ATP10A: variants seen among roughly 807,000 people sequenced by gnomAD.
The protein encoded by ATP10A is phospholipid-transporting ATPase VA.
ATP10A carries 111 observed loss-of-function variants against 147.8 expected under a neutral mutation model. That is an observed-to-expected ratio of 0.75 (90% confidence interval 0.64 to 0.88). ATP10A has a LOEUF of 0.88. Among genes scored for constraint, ATP10A ranks in the 40% least tolerant of loss-of-function variants. The pLI, the probability that ATP10A is intolerant of heterozygous loss-of-function variation, is 0.00. For synonymous variants in ATP10A, 875 were observed against 841.6 expected, an observed-to-expected ratio of 1.04 and a Z score of -0.69; for missense variants, 1,927 against 1,959.0, an observed-to-expected ratio of 0.98 and a Z score of 0.31.
chr15:25,762,344 A>T (rs912091115), intron 2 of ATP10A, among the ~76,000 whole-genome samples: 1 of 152,150 alleles, frequency 6.6e-6, no homozygotes, highest in Non-Finnish European at 1.5e-5. Context: ...TGGCACAATC[A>T]TGGCTCACTG....
chr15:25,855,217 T>C (rs1893462058), intron 1 of ATP10A, among the ~76,000 whole-genome samples: 1 of 152,076 alleles, frequency 6.6e-6, no homozygotes. Context: ...TGAATTCAAA[T>C]GCAAAATTCT....
chr15:25,800,596 G>A (rs752932054), intron 1 of ATP10A, among the ~76,000 whole-genome samples: 35 of 152,300 alleles, frequency 2.3e-4, no homozygotes, highest in Non-Finnish European at 3.8e-4. Context: ...CCCGGAAGAA[G>A]CTACATTCTG....
At chr15:25,768,543 T>C (rs1250889641) in intron 2 of ATP10A, among the ~76,000 whole-genome samples, 194 of 131,918 alleles carry the variant, frequency 1.5e-3, no homozygotes, top group South Asian at 4.2e-3. Context: ...TCTCTCTCTT[T>C]TTTTTTTTTT....
intron 1 of ATP10A, among the ~76,000 whole-genome samples, chr15:25,827,843 G>C (rs2140861233): frequency 6.6e-6 from 1 of 152,198 alleles, no homozygotes; most frequent in South Asian, 2.1e-4. Context: ...CCAATTAAGA[G>C]GCAGAACTGA....
At chr15:25,698,892 ATGTATATGATG>A (rs1207207182) in intron 13 of ATP10A, among the ~76,000 whole-genome samples, 1 of 152,208 alleles carries the variant, frequency 6.6e-6, no homozygotes, top group Non-Finnish European at 1.5e-5. Context: ...CTAACAAAAC[ATGTATATGATG>A]TGTATGCTGA....
At chr15:25,791,575 C>A (rs1300862825) in intron 1 of ATP10A, among the ~76,000 whole-genome samples, 2 of 151,876 alleles carry the variant, frequency 1.3e-5, no homozygotes, top group East Asian at 2.0e-4. Flanking sequence ...GTTGTAGAGA[C>A]GGAGTCTTGC....
In ATP10A at chr15:25,862,634, C is replaced by A; in HGVS notation, c.449+14G>T. On this transcript the variant is annotated intron_variant, in intron 1 of 20. Coordinates refer to ENST00000555815, the MANE Select transcript of ATP10A (RefSeq NM_024490.4). ...GCGCCACCGCGCGCTCGCTCGCCCG[C>A]CCGCCCAACTCACCTGCTGAAGACC... 6.5e-7 allele frequency: 1 copy of A among 1,545,518 alleles called. No individual in the cohort carries two copies. Among genetic ancestry groups the A allele is most frequent in the Non-Finnish European group, 8.7e-7 (1 of 1,145,914 alleles).
intron 1 of ATP10A, among the ~76,000 whole-genome samples, chr15:25,803,264 G>C (rs1891020435): frequency 6.6e-6 from 1 of 152,184 alleles, no homozygotes; most frequent in Non-Finnish European, 1.5e-5. Context: ...CCTGAATGAT[G>C]CTTCGCCCAC....
intron 5 of ATP10A, among the ~76,000 whole-genome samples, chr15:25,724,345 G>C (rs147087415): frequency 6.6e-6 from 1 of 152,130 alleles, no homozygotes; most frequent in Non-Finnish European, 1.5e-5. Context: ...TTCTTAACAC[G>C]CATCTCACGA....
In ATP10A at chr15:25,749,020, A is replaced by G. The variant is rs142754916; in HGVS notation, c.655-12879T>C. On this transcript the variant is annotated intron_variant, in intron 2 of 20. Transcript: ENST00000555815. The stretch of plus-strand genomic sequence containing the variant: ...AGAGGTTGCAATGAGCCAAGATAGC[A>G]CCACTGTACTTCAGCCTGGGCAACA... Among the ~76,000 whole-genome samples, 71 of 145,614 alleles carry G rather than the reference A, an allele frequency of 4.9e-4. No individual in the cohort carries two copies. The East Asian group carries it at 0.014, about 29-fold the overall frequency.
chr15:25,854,563 C>T (rs1893426339), intron 1 of ATP10A, among the ~76,000 whole-genome samples: 2 of 152,100 alleles, frequency 1.3e-5, no homozygotes. Flanking sequence ...GGACAACTTC[C>T]TAGAAAGATA....
In ATP10A at chr15:25,687,630, G is replaced by A. The variant is rs533166773; in HGVS notation, c.3291+73C>T. ...CCTCCCATCTGCTCCATCCTCCTTCGCCTCATTCAGGCGATGGTCCTAAGA... is the reference window on the plus strand; with the variant it reads ...CCTCCCATCTGCTCCATCCTCCTTCACCTCATTCAGGCGATGGTCCTAAGA... On this transcript the variant is annotated intron_variant, in intron 16 of 20. Transcript: ENST00000555815. The A allele has an allele frequency of 1.6e-4, 148 of 901,642 alleles. No individual in the cohort carries two copies. In the Middle Eastern group the frequency reaches 1.7e-3, roughly 10 times the overall value. 55.9% of individuals were successfully genotyped at this position (901,642 alleles called of 1,614,324 possible).
intron 2 of ATP10A, among the ~76,000 whole-genome samples, chr15:25,774,099 G>A (rs1435029647): frequency 2.0e-5 from 3 of 151,704 alleles, no homozygotes. Context: ...CACATTGTAC[G>A]CTACCTTGAA....
intron 5 of ATP10A, among the ~76,000 whole-genome samples, chr15:25,725,230 A>G (rs72703774): frequency 0.033 from 5,010 of 152,256 alleles, 138 homozygotes; most frequent in African/African-American, 0.068. Context: ...ATCTGAGGTG[A>G]AAGTTTCATC....
At position 25,680,260 on chromosome 15, in the gene ATP10A, T is replaced by C; in HGVS notation, c.3727A>G (p.Thr1243Ala). Residue 1243 changes from threonine (T) to alanine (A), a missense_variant, in exon 20 of 21, where the codon ACC (threonine) becomes GCC (alanine). Coordinates refer to ENST00000555815, the MANE Select transcript of ATP10A (RefSeq NM_024490.4). Reference protein sequence around the residue: ...TCGFSVLLFFTVALIYNASCA... With the variant: ...TCGFSVLLFFAVALIYNASCA... Reference sequence around the variant, plus strand: ...GACGCATTGTAAATCAAAGCCACGGTGAAAAACAAAAGGACACTGAAGCCA... The same window carrying C: ...GACGCATTGTAAATCAAAGCCACGGCGAAAAACAAAAGGACACTGAAGCCA... 1 of 1,614,058 alleles carries C rather than the reference T, an allele frequency of 6.2e-7. No homozygotes were observed. The highest frequency in any genetic ancestry group is 8.5e-7 in the Non-Finnish European group (1 of 1,180,006).
rs763985192 is a variant in ATP10A at position 25,727,119 on chromosome 15, G to A, written c.847+41C>T. On this transcript the variant is annotated intron_variant, in intron 4 of 20. Transcript: ENST00000555815. ...GTGAGGGGAAGTGCTGGAGAACACA[G>A]CGCTGTCTGGCGGCAGGTGGTGCCA... 3.5e-6 allele frequency: 5 copies of A among 1,417,366 alleles called. No homozygotes were observed. In the South Asian group the frequency reaches 5.7e-5, roughly 16 times the overall value. The allele number at this position is 1,417,366 out of a possible 1,614,324, so 87.8% of individuals were successfully genotyped here.
At chr15:25,790,834 T>C (rs1890382302) in intron 1 of ATP10A, among the ~76,000 whole-genome samples, 1 of 152,214 alleles carries the variant, frequency 6.6e-6, no homozygotes, top group African/African-American at 2.4e-5. Flanking sequence ...GTAATGGATG[T>C]AAAACACTCC....
At chr15:25,779,191 T>C (rs190327204) in intron 2 of ATP10A, among the ~76,000 whole-genome samples, 1 of 152,194 alleles carries the variant, frequency 6.6e-6, no homozygotes, top group Admixed American at 6.5e-5. Flanking sequence ...AAGTTATTCT[T>C]GAGAGTTGAT....
chr15:25,775,437 A>G (rs1467686726), intron 2 of ATP10A, among the ~76,000 whole-genome samples: 9 of 152,230 alleles, frequency 5.9e-5, no homozygotes, highest in Admixed American at 2.0e-4. Context: ...CAGTGTATTC[A>G]CAAAACAGAG....
Sources: gnomAD v4.1 joint callset for allele counts (sites outside exome capture counted in the v4.1 genomes callset) on GRCh38, gnomAD v4.1.1 for gene constraint, MANE v1.5 for transcripts, NCBI Gene and HGNC (gene_info 2026-07-23, HGNC 2026-07-21) for gene names.